UNC5D: variants seen among roughly 807,000 people sequenced by gnomAD.
UNC5D encodes unc-5 netrin receptor D, also known as netrin receptor UNC5D.
In UNC5D, 39 loss-of-function variants were observed where a neutral mutation model predicts 105.4. The ratio of observed to expected loss-of-function variants is 0.37; its 90% confidence interval spans 0.29 to 0.48. The LOEUF is 0.48. Ranked by LOEUF, UNC5D falls within the 20% of genes least tolerant of loss-of-function variation. The pLI is 0.98. For missense variants in UNC5D, 991 were observed against 1,202.4 expected, an observed-to-expected ratio of 0.82 and a Z score of 2.60; for synonymous variants, 452 against 450.4, an observed-to-expected ratio of 1.00 and a Z score of -0.04.
At chr8:35,746,253 GCTGTT>G (rs1300630858) in intron 11 of UNC5D, among the ~76,000 whole-genome samples, 1 of 152,174 alleles carries the variant, frequency 6.6e-6, no homozygotes, top group Non-Finnish European at 1.5e-5. Context: ...GTGACCTTAT[GCTGTT>G]AACACCTGCC....
chr8:35,261,638 G>T (rs1804504206), intron 1 of UNC5D, among the ~76,000 whole-genome samples: 1 of 150,446 alleles, frequency 6.6e-6, no homozygotes, highest in South Asian at 2.1e-4. Flanking sequence ...GTGTAGGGGG[G>T]TGGGGGGCGT....
At position 35,481,872 on chromosome 8, in the gene UNC5D, T is replaced by C. The variant is rs906814177; in HGVS notation, c.104-67420T>C. On this transcript the variant is annotated intron_variant, in intron 1 of 16. Transcript: ENST00000404895. The stretch of plus-strand genomic sequence containing the variant: ...GTTTTTTGTTTGTTTTGGTGTTTAA[T>C]ATCCCACTCTCCAACACCCTCTGCT... Among the ~76,000 whole-genome samples, 18 of 152,342 alleles carry C rather than the reference T, an allele frequency of 1.2e-4. No individual in the cohort carries two copies. In the East Asian group the frequency reaches 3.5e-3, roughly 29 times the overall value.
chr8:35,365,790 A>G (rs1028441607), intron 1 of UNC5D, among the ~76,000 whole-genome samples: 4 of 152,086 alleles, frequency 2.6e-5, no homozygotes, highest in Admixed American at 6.6e-5. Context: ...TCTATAGGCC[A>G]GCTAGGTTTC....
chr8:35,282,143 A>G (rs1466260386), intron 1 of UNC5D, among the ~76,000 whole-genome samples: 1 of 152,206 alleles, frequency 6.6e-6, no homozygotes, highest in African/African-American at 2.4e-5. Context: ...TAACCTAGTC[A>G]TAGTTTGTCT....
At chr8:35,651,467 A>T (rs1251508691) in intron 4 of UNC5D, among the ~76,000 whole-genome samples, 1 of 152,236 alleles carries the variant, frequency 6.6e-6, no homozygotes, top group Non-Finnish European at 1.5e-5. Flanking sequence ...AAAATTGTGG[A>T]TTCTGAATGG....
chr8:35,564,447 CT>C (rs1219032683), intron 2 of UNC5D, among the ~76,000 whole-genome samples: 1 of 152,118 alleles, frequency 6.6e-6, no homozygotes, highest in Non-Finnish European at 1.5e-5. Flanking sequence ...TCTCTCCCAC[CT>C]TTTACTCTTT....
rs1392716139 is a variant in UNC5D at position 35,796,393 on chromosome 8, C to T, written c.*5830C>T. The T allele has an allele frequency of 3.5e-5, 2 of 56,514 alleles. No individual in the cohort carries two copies. Among genetic ancestry groups the T allele is most frequent in the African/African-American group, 7.4e-5 (1 of 13,504 alleles). 3.5% of individuals were successfully genotyped at this position (56,514 alleles called of 1,614,324 possible). On this transcript the variant is annotated 3_prime_UTR_variant, in exon 17 of 17. Coordinates refer to ENST00000404895, the MANE Select transcript of UNC5D (RefSeq NM_080872.4). ...AACAGCTCTGTTATATTGTATTGAA[C>T]AAAATGGACGGTTTGGATGTTTTAT... is the stretch of plus-strand genomic sequence containing the variant.
rs773478021 is a variant in UNC5D, at chr8:35,774,399, G to A, written c.2579G>A (p.Arg860Gln). The change falls in exon 16 of 17, where the codon CGG (arginine) becomes CAG (glutamine). Residue 860 changes from arginine to glutamine, a missense_variant. By Grantham distance (43) the Arg-to-Gln change is conservative (BLOSUM62 1). Coordinates refer to ENST00000404895, the MANE Select transcript of UNC5D (RefSeq NM_080872.4). ...AFKIPYSIRQ[R>Q]ICATFDTPNA... ...AAAATTCCCTACTCCATCAGACAGC[G>A]GATTTGTGCTACATTTGATACCCCC... 24 of 1,613,918 alleles carry A rather than the reference G, an allele frequency of 1.5e-5. No homozygotes were observed. Among genetic ancestry groups the A allele is most frequent in the Admixed American group, 8.3e-5 (5 of 59,988 alleles).
intron 2 of UNC5D, among the ~76,000 whole-genome samples, chr8:35,557,700 G>T (rs947859871): frequency 6.6e-6 from 1 of 151,938 alleles, no homozygotes; most frequent in Non-Finnish European, 1.5e-5. Flanking sequence ...TAGAAGGCAG[G>T]CTGTATATTT....
At chr8:35,421,027 T>C in intron 1 of UNC5D, among the ~76,000 whole-genome samples, 1 of 152,164 alleles carries the variant, frequency 6.6e-6, no homozygotes, top group South Asian at 2.1e-4. Flanking sequence ...ATGTCCCTTT[T>C]TCATAGCTTC....
chr8:35,656,745 G>C (rs146295525), intron 4 of UNC5D, among the ~76,000 whole-genome samples: 1 of 152,048 alleles, frequency 6.6e-6, no homozygotes, highest in African/African-American at 2.4e-5. Flanking sequence ...ATTTCTCAAT[G>C]TGTAAAGTAT....
At chr8:35,767,662 C>T (rs978483240) in intron 15 of UNC5D, among the ~76,000 whole-genome samples, 6 of 152,128 alleles carry the variant, frequency 3.9e-5, no homozygotes, top group African/African-American at 1.4e-4. Flanking sequence ...GGATCTCATT[C>T]TATAAGGTAA....
At chr8:35,396,799 C>T (rs1190699517) in intron 1 of UNC5D, among the ~76,000 whole-genome samples, 2 of 148,136 alleles carry the variant, frequency 1.4e-5, no homozygotes, top group South Asian at 2.1e-4. Context: ...TACCTGGTCC[C>T]AAGGTGGCTT....
At position 35,518,039 on chromosome 8, in the gene UNC5D, T is replaced by TG. The variant is rs796468365; in HGVS notation, c.104-31245dup. 1.1e-3 allele frequency among the ~76,000 whole-genome samples: 168 copies of TG among 151,572 alleles called. 1 individual carries two copies. Among genetic ancestry groups the TG allele is most frequent in the African/African-American group, 2.9e-3 (119 of 41,322 alleles). On this transcript the variant is annotated intron_variant, in intron 1 of 16. Coordinates refer to ENST00000404895, the MANE Select transcript of UNC5D (RefSeq NM_080872.4). Reference sequence around the variant, plus strand: ...GGGATTAAGATTTCAACATGAATTTTGGGGGGGGCATAAACATTGTTGCAA... The same window carrying TG: ...GGGATTAAGATTTCAACATGAATTTTGGGGGGGGGCATAAACATTGTTGCAA...
At chr8:35,278,103 T>G (rs1805894823) in intron 1 of UNC5D, among the ~76,000 whole-genome samples, 1 of 152,194 alleles carries the variant, frequency 6.6e-6, no homozygotes. Flanking sequence ...CAGCCAGGAC[T>G]GGGCTCCATC....
intron 7 of UNC5D, among the ~76,000 whole-genome samples, chr8:35,696,689 TTACAAACTAAG>T (rs1400777897): frequency 1.3e-5 from 2 of 152,120 alleles, no homozygotes; most frequent in Non-Finnish European, 2.9e-5. Context: ...TCTCTTTAAA[TTACAAACTAAG>T]TACACGTCTC....
rs182048244 is a variant in UNC5D, at chr8:35,417,357, A to T, written c.104-131935A>T. On this transcript the variant is annotated intron_variant, in intron 1 of 16. Transcript: ENST00000404895. ...TCTGCAATGATGAGTTTACCTCAAG[A>T]ACTCATAGTCAAAGAAGGATGTGCA... is the stretch of plus-strand genomic sequence containing the variant. Among the ~76,000 whole-genome samples the T allele has an allele frequency of 2.5e-3, 379 of 152,254 alleles. 2 individuals are homozygous for T. Among genetic ancestry groups the T allele is most frequent in the Admixed American group, 7.5e-3 (114 of 15,284 alleles).
chr8:35,455,606 T>A (rs1808437169), intron 1 of UNC5D, among the ~76,000 whole-genome samples: 3 of 151,944 alleles, frequency 2.0e-5, no homozygotes, highest in African/African-American at 7.3e-5. Flanking sequence ...TTCTAATATC[T>A]TGTTGTATTC....
At chr8:35,255,179 C>T (rs538574097) in intron 1 of UNC5D, 1 of 152,294 alleles carries the variant, frequency 6.6e-6, no homozygotes, top group Admixed American at 6.5e-5. Context: ...AACACTCTAG[C>T]GTTGCTCTTC....
Sources: allele counts gnomAD v4.1 joint callset (sites outside exome capture counted in the v4.1 genomes callset), GRCh38; gene constraint gnomAD v4.1.1; transcripts MANE v1.5; gene names NCBI Gene and HGNC (gene_info 2026-07-23, HGNC 2026-07-21).